The following SPINK7 variants were observed in gnomAD, a reference collection of about 807,000 sequenced individuals.
SPINK7 encodes the protein serine protease inhibitor Kazal-type 7.
In SPINK7, 8 loss-of-function variants were observed where a neutral mutation model predicts 11.6. The ratio of observed to expected loss-of-function variants is 0.69; its 90% CI spans 0.41 to 1.25. SPINK7 has a LOEUF of 1.25. Among genes scored for constraint, SPINK7 ranks in the 50% most tolerant of loss-of-function variants. The pLI is 0.01. For missense variants in SPINK7, 113 were observed against 99.3 expected (o/e 1.14, Z -0.58); for synonymous variants, 38 against 35.3 (o/e 1.08, Z -0.27).
intron 1 of SPINK7, among the ~76,000 whole-genome samples, chr5:148,312,863 T>C (rs1756878946): frequency 6.6e-6 from 1 of 152,054 alleles, no homozygotes; most frequent in Non-Finnish European, 1.5e-5. Context: ...ACAGAAAAAC[T>C]TGGATGTCTT....
chr5:148,314,063 G>A (rs1009646899), intron 2 of SPINK7, 37 bp from the exon 3 acceptor site: 1 of 1,612,994 alleles, frequency 6.2e-7, no homozygotes, highest in Admixed American at 1.7e-5. Flanking sequence ...CTTGGGGTCT[G>A]GGAGAAAAAC....
chr5:148,314,509 G>A (rs2113399528), intron 3 of SPINK7: 1 of 459,396 alleles, frequency 2.2e-6, no homozygotes, highest in East Asian at 3.6e-5. Context: ...GCTGTCCCCA[G>A]AGCACAGAGG....
At position 148,314,218 on chromosome 5, in the gene SPINK7, A is replaced by T. The variant is rs775796813; in HGVS notation, c.206A>T (p.Glu69Val). The change falls in exon 3 of 4, where the codon GAG becomes GTG. Residue 69 changes from glutamate (E) to valine (V), a missense_variant. Glu to Val is a moderately radical substitution (Grantham distance 121). Coordinates refer to ENST00000274565, the MANE Select transcript of SPINK7 (RefSeq NM_032566.3). ...TYGNECHLCTESLKSNGRVQF... is the reference protein window; with the variant it reads ...TYGNECHLCTVSLKSNGRVQF... ...GGGAATGAATGTCACTTGTGTACCG[A>T]GAGCTTGTGAGTACCTCATAAGAAG... 2.9e-5 allele frequency: 46 copies of T among 1,613,538 alleles called. No individual in the cohort carries two copies. The highest frequency in any genetic ancestry group is 3.6e-5 in the Non-Finnish European group (42 of 1,179,686).
In SPINK7 at chr5:148,315,727, T is replaced by G. The variant is rs773449097; in HGVS notation, c.*43T>G. The G allele has an allele frequency of 8.5e-7, 1 of 1,171,184 alleles. No homozygotes were observed. The allele number at this position is 1,171,184 out of a possible 1,614,324, so 72.5% of individuals were successfully genotyped here. A position where few individuals can be genotyped will look rare whatever the true frequency, so the allele number is the denominator to read the frequency against. ...AGAGAAAGGAATGATATTCTCATCATCATCTTCATCATCCCAGGCTCTGAC... is the reference window on the plus strand; with the variant it reads ...AGAGAAAGGAATGATATTCTCATCAGCATCTTCATCATCCCAGGCTCTGAC... On this transcript the variant is annotated 3_prime_UTR_variant, in exon 4 of 4. Transcript: ENST00000274565.
chr5:148,315,360 C>T (rs1756915483), intron 3 of SPINK7, among the ~76,000 whole-genome samples: 1 of 152,052 alleles, frequency 6.6e-6, no homozygotes, highest in African/African-American at 2.4e-5. Flanking sequence ...TCAATTTTGT[C>T]AGAGTACTCT....
chr5:148,314,855 A>C (rs1238007910), intron 3 of SPINK7, among the ~76,000 whole-genome samples: 1 of 152,096 alleles, frequency 6.6e-6, no homozygotes, highest in African/African-American at 2.4e-5. Context: ...CCTTTATCTA[A>C]AATAAGGGAT....
chr5:148,312,833 C>T (rs1581178336), intron 1 of SPINK7, among the ~76,000 whole-genome samples: 1 of 152,140 alleles, frequency 6.6e-6, no homozygotes, highest in African/African-American at 2.4e-5. Context: ...ATTAGATATA[C>T]CATTTCTTAG....
chr5:148,313,429 A>T, intron 2 of SPINK7, 30 bp downstream of exon 2: 1 of 1,537,022 alleles, frequency 6.5e-7, no homozygotes, highest in Admixed American at 1.7e-5. Flanking sequence ...TTTTAATGTC[A>T]ATAACTATTG....
chr5:148,314,212 G>A lies in SPINK7; in HGVS notation c.200G>A (p.Cys67Tyr), dbSNP rs770634443. 1.1e-5 allele frequency: 17 copies of A among 1,613,582 alleles called. No homozygotes were observed. Among genetic ancestry groups the A allele is most frequent in the Non-Finnish European group, 1.4e-5 (17 of 1,179,716 alleles). The change falls in exon 3 of 4, where the codon TGT (cysteine) becomes TAT (tyrosine). Residue 67 changes from cysteine to tyrosine, a missense_variant. Transcript: ENST00000274565. ...ACCTATGGGAATGAATGTCACTTGT[G>A]TACCGAGAGCTTGTGAGTACCTCAT... ...YITYGNECHL[C>Y]TESLKSNGRV... is the part of the protein sequence containing the mutation.
rs931291375 is a variant in SPINK7 at position 148,314,111 on chromosome 5, C to T, written c.99C>T (p.Ser33=). The T allele has an allele frequency of 6.2e-7, 1 of 1,613,782 alleles. No individual in the cohort carries two copies. The highest frequency in any genetic ancestry group is 1.3e-5 in the African/African-American group (1 of 74,994). ...TGTATATGACACAGGTGGACTGCAG[C>T]ATTTACAAGAAGTATCCAGTGGTGG... ...ASLSPKKVDC[S]IYKKYPVVAI... is the part of the protein sequence containing the mutation. Residue 33 remains serine (S), a synonymous_variant, in exon 3 of 4, where the codon AGC becomes AGT. Coordinates refer to ENST00000274565, the MANE Select transcript of SPINK7 (RefSeq NM_032566.3).
chr5:148,314,021 C>A, intron 2 of SPINK7, 79 bp from the exon 3 acceptor site: 1 of 1,578,168 alleles, frequency 6.3e-7, no homozygotes, highest in Non-Finnish European at 8.6e-7. Context: ...CTGGGACTTC[C>A]AGCCCTTGTA....
Position 148,312,555 on chromosome 5 carries a change from G to C in SPINK7, c.61+11G>C. On this transcript the variant is annotated intron_variant, in intron 1 of 3. Coordinates refer to ENST00000274565, the MANE Select transcript of SPINK7 (RefSeq NM_032566.3). ...TCTGTAGCAGCTCAGGTAAGTTAAG[G>C]TCAGACAGTGCCCTATATAGCCATT... 3.9e-6 allele frequency: 6 copies of C among 1,551,892 alleles called. No homozygotes were observed. Among genetic ancestry groups the C allele is most frequent in the Non-Finnish European group, 5.3e-6 (6 of 1,126,284 alleles).
chr5:148,313,340 AC>A (rs1449667269), intron 1 of SPINK7, 33 bp from the exon 2 acceptor site: 1 of 1,572,620 alleles, frequency 6.4e-7, no homozygotes, highest in African/African-American at 1.4e-5. Flanking sequence ...AGTTTGCTTT[AC>A]TTTTAACATC....
chr5:148,313,953 G>T lies in SPINK7; in HGVS notation c.88-147G>T. ...TAGAATACCAGTAGTGCTAGTATTT[G>T]TCATAGTGATAACACTAGTACTTAA... On this transcript the variant is annotated intron_variant, in intron 2 of 3. Transcript: ENST00000274565. 3 of 906,698 alleles carry T rather than the reference G, an allele frequency of 3.3e-6. No individual in the cohort carries two copies. In the South Asian group the frequency reaches 5.1e-5, roughly 15 times the overall value. The allele number at this position is 906,698 out of a possible 1,614,324, so 56.2% of individuals were successfully genotyped here. A position where few individuals can be genotyped will look rare whatever the true frequency, so the allele number is the denominator to read the frequency against.
In SPINK7 at chr5:148,312,454, A is replaced by G; in HGVS notation, c.-30A>G. On this transcript the variant is annotated 5_prime_UTR_variant, in exon 1 of 4. Coordinates refer to ENST00000274565, the MANE Select transcript of SPINK7 (RefSeq NM_032566.3). Reference sequence around the variant, plus strand: ...GATGCAGCTGTAGTGACAATCTCAGAGCAGCTTCTACACCACAGCCATTTC... The same window carrying G: ...GATGCAGCTGTAGTGACAATCTCAGGGCAGCTTCTACACCACAGCCATTTC... The G allele has an allele frequency of 6.7e-7, 1 of 1,501,662 alleles. No homozygotes were observed. Among genetic ancestry groups the G allele is most frequent in the Non-Finnish European group, 9.3e-7 (1 of 1,077,748 alleles). 93.0% of individuals were successfully genotyped at this position (1,501,662 alleles called of 1,614,324 possible). A position where few individuals can be genotyped will look rare whatever the true frequency, so the allele number is the denominator to read the frequency against.
At chr5:148,313,343 T>G in intron 1 of SPINK7, 31 bp from the exon 2 acceptor site, 1 of 1,580,642 alleles carries the variant, frequency 6.3e-7, no homozygotes, top group Non-Finnish European at 8.6e-7. Flanking sequence ...TTGCTTTACT[T>G]TTAACATCTT....
At chr5:148,314,031 A>G (rs1260665397) in intron 2 of SPINK7, 69 bp from the exon 3 acceptor site, 7 of 1,597,330 alleles carry the variant, frequency 4.4e-6, no homozygotes, top group African/African-American at 4.0e-5. Context: ...CAGCCCTTGT[A>G]GTATATCTAA....
In SPINK7 at chr5:148,315,694, G is replaced by A. The variant is rs375825161; in HGVS notation, c.*10G>A. ...CGATGGAAGTTGCTAAATTCTCCAT[G>A]GACATAGAGAGAAAGGAATGATATT... On this transcript the variant is annotated 3_prime_UTR_variant, in exon 4 of 4. Transcript: ENST00000274565. 4.4e-5 allele frequency: 67 copies of A among 1,528,118 alleles called. 1 individual carries two copies. Among genetic ancestry groups the A allele is most frequent in the Non-Finnish European group, 5.9e-5 (65 of 1,103,334 alleles). The allele number at this position is 1,528,118 out of a possible 1,614,324, so 94.7% of individuals were successfully genotyped here. A position where few individuals can be genotyped will look rare whatever the true frequency, so the allele number is the denominator to read the frequency against.
At position 148,313,390 on chromosome 5, in the gene SPINK7, T is replaced by C; in HGVS notation, c.78T>C (p.Ser26=). 6.2e-7 allele frequency: 1 copy of C among 1,601,950 alleles called. No individual in the cohort carries two copies. The highest frequency in any genetic ancestry group is 8.5e-7 in the Non-Finnish European group (1 of 1,171,902). Residue 26 remains serine, a synonymous_variant, in exon 2 of 4, where the codon TCT becomes TCC. Coordinates refer to ENST00000274565, the MANE Select transcript of SPINK7 (RefSeq NM_032566.3). Reference sequence around the variant, plus strand: ...CTTTTTCAGAAGCTGCTAGTCTGTCTCCAAAAAAAGTAAGTATGTTGAATA... The same window carrying C: ...CTTTTTCAGAAGCTGCTAGTCTGTCCCCAAAAAAAGTAAGTATGTTGAATA... ...FCSSSEAASL[S]PKKVDCSIYK...
Sources: gnomAD v4.1 joint callset for allele counts (sites outside exome capture counted in the v4.1 genomes callset) on GRCh38, gnomAD v4.1.1 for gene constraint, MANE v1.5 for transcripts, NCBI Gene and HGNC (gene_info 2026-07-23, HGNC 2026-07-21) for gene names.